Variants in GGH observed in about 807,000 individuals in gnomAD.
The protein encoded by GGH is gamma-glutamyl hydrolase, also known as gamma-Glu-X carboxypeptidase.
GGH carries 18 observed loss-of-function variants against 39.2 expected under a neutral mutation model. The ratio of observed to expected loss-of-function variants is 0.46; its 90% CI spans 0.32 to 0.68. The LOEUF (loss-of-function observed/expected upper bound fraction) is 0.68. GGH is among the 30% of genes least tolerant of loss of function. The pLI is 0.04. For synonymous variants in GGH, 147 were observed against 138.8 expected (o/e 1.06, Z -0.42); for missense variants, 367 against 384.1 (o/e 0.96, Z 0.37).
Position 63,026,209 on chromosome 8 carries a change from A to G in GGH, c.448T>C (p.Leu150=), listed in dbSNP as rs1189128229. Reference sequence around the variant, plus strand: ...ACGTCAACAGTATCTGTGGCAGTTAATAAGCACTCTCCACTAATCAGCAGT... The same window carrying G: ...ACGTCAACAGTATCTGTGGCAGTTAGTAAGCACTCTCCACTAATCAGCAGT... ...LSLLISGECL[L]TATDTVDVAM... The change falls in exon 5 of 9, where the codon TTA becomes CTA. Residue 150 remains leucine (L), a synonymous_variant. Coordinates refer to ENST00000260118, the MANE Select transcript of GGH (RefSeq NM_003878.3). 2 of 1,611,236 alleles carry G rather than the reference A, an allele frequency of 1.2e-6. No individual in the cohort carries two copies. Among genetic ancestry groups the G allele is most frequent in the East Asian group, 2.2e-5 (1 of 44,748 alleles).
intron 1 of GGH, 95 bp downstream of exon 1, chr8:63,038,565 G>A (rs1804954934): frequency 3.3e-6 from 2 of 609,638 alleles, no homozygotes; most frequent in East Asian, 3.3e-5. Flanking sequence ...GGTTTTTCCC[G>A]GCGGGACGCG....
At chr8:63,027,764 T>C (rs1426400788) in intron 3 of GGH, among the ~76,000 whole-genome samples, 1 of 152,152 alleles carries the variant, frequency 6.6e-6, no homozygotes, top group African/African-American at 2.4e-5. Context: ...TTAATTCTTA[T>C]CACCCCGAGT....
At chr8:63,023,807 C>T (rs1804636977) in intron 7 of GGH, 100 bp downstream of exon 7, 1 of 912,022 alleles carries the variant, frequency 1.1e-6, no homozygotes, top group Non-Finnish European at 1.5e-6. Flanking sequence ...CACCCCTCTT[C>T]AAGCCCCAAA....
rs773828447 is a variant in GGH at position 63,024,090 on chromosome 8, A to T, written c.596T>A (p.Leu199His). 1.3e-6 allele frequency: 2 copies of T among 1,595,616 alleles called. No homozygotes were observed. Among genetic ancestry groups the T allele is most frequent in the Non-Finnish European group, 1.7e-6 (2 of 1,163,606 alleles). ...PLTANFHKWS[L>H]SVKNFTMNEK... The stretch of plus-strand genomic sequence containing the variant: ...TAATTAGTGTGATACCTTCACGGAG[A>T]GGCTCCACTTATGGAAATTGGCAGT... Residue 199 changes from leucine to histidine, a missense_variant, in exon 6 of 9, where the codon CTC becomes CAC. By Grantham distance (99) the Leu-to-His change is moderately conservative (BLOSUM62 -3). Coordinates refer to ENST00000260118, the MANE Select transcript of GGH (RefSeq NM_003878.3).
At chr8:63,017,366 T>C in intron 8 of GGH, 127 bp downstream of exon 8, 1 of 604,400 alleles carries the variant, frequency 1.7e-6, no homozygotes, top group Non-Finnish European at 2.9e-6. Flanking sequence ...ATTTGTATTA[T>C]TCTTTAAAGT....
At chr8:63,035,594 C>T (rs547018788) in intron 2 of GGH, 62 bp downstream of exon 2, 10 of 1,551,032 alleles carry the variant, frequency 6.4e-6, no homozygotes, top group South Asian at 2.5e-5. Context: ...CATGAGGCAC[C>T]GCACCCGTAC....
At chr8:63,035,844 A>G (rs1804898662) in intron 1 of GGH, 74 bp from the exon 2 acceptor site, 1 of 1,239,922 alleles carries the variant, frequency 8.1e-7, no homozygotes, top group African/African-American at 1.5e-5. Flanking sequence ...ATATCACAGC[A>G]AAAATATCAT....
chr8:63,038,646 C>T lies in GGH; in HGVS notation c.109+14G>A. 1 of 1,428,378 alleles carries T rather than the reference C, an allele frequency of 7.0e-7. No homozygotes were observed. 88.5% of individuals were successfully genotyped at this position (1,428,378 alleles called of 1,614,324 possible). A position where few individuals can be genotyped will look rare whatever the true frequency, so the allele number is the denominator to read the frequency against. On this transcript the variant is annotated intron_variant, in intron 1 of 8. Transcript: ENST00000260118. ...CTCCTCCCCGTCTGCTGCGGCCCCG[C>T]ACAGCCTCCTTACCGATGATGGGCT...
chr8:63,017,387 G>A (rs1804504061), intron 8 of GGH, 106 bp downstream of exon 8: 7 of 685,540 alleles, frequency 1.0e-5, no homozygotes, highest in Non-Finnish European at 1.7e-5. Context: ...TAAACCTATA[G>A]AACTTACAAA....
At chr8:63,030,754 T>C (rs1804788120) in intron 2 of GGH, among the ~76,000 whole-genome samples, 1 of 152,100 alleles carries the variant, frequency 6.6e-6, no homozygotes, top group African/African-American at 2.4e-5. Context: ...TAGTCTGAAC[T>C]GAGGACCACA....
At position 63,024,140 on chromosome 8, in the gene GGH, C is replaced by T. The variant is rs753850058; in HGVS notation, c.546G>A (p.Leu182=). Reference sequence around the variant, plus strand: ...TCAGAGGTTCTACTGCTAATGACAGCAACAACTCAGTAGGAAAATTCTGGA... The same window carrying T: ...TCAGAGGTTCTACTGCTAATGACAGTAACAACTCAGTAGGAAAATTCTGGA... ...RMFQNFPTEL[L]LSLAVEPLTA... The change falls in exon 6 of 9, where the codon TTG becomes TTA. Residue 182 remains leucine, a synonymous_variant. Coordinates refer to ENST00000260118, the MANE Select transcript of GGH (RefSeq NM_003878.3). The T allele has an allele frequency of 1.2e-6, 2 of 1,611,606 alleles. No homozygotes were observed. Among genetic ancestry groups the T allele is most frequent in the Non-Finnish European group, 1.7e-6 (2 of 1,177,936 alleles).
intron 7 of GGH, among the ~76,000 whole-genome samples, chr8:63,020,785 C>T (rs1197110214): frequency 6.6e-6 from 1 of 152,122 alleles, no homozygotes; most frequent in Non-Finnish European, 1.5e-5. Flanking sequence ...GAAATAAGCT[C>T]ATAAATCTAG....
At position 63,027,376 on chromosome 8, in the gene GGH, A is replaced by C. The variant is rs1302421217; in HGVS notation, c.276-111T>G. 3 of 593,568 alleles carry C rather than the reference A, an allele frequency of 5.1e-6. No homozygotes were observed. The African/African-American group carries it at 5.8e-5, about 12-fold the overall frequency. 36.8% of individuals were successfully genotyped at this position (593,568 alleles called of 1,614,324 possible). A position where few individuals can be genotyped will look rare whatever the true frequency, so the allele number is the denominator to read the frequency against. The stretch of plus-strand genomic sequence containing the variant: ...AACAATTTTTCTTATTACATATGCA[A>C]TAAGATCCTTGAAGAAAATTAGAAA... On this transcript the variant is annotated intron_variant, in intron 3 of 8. Transcript: ENST00000260118.
chr8:63,026,268 A>G lies in GGH; in HGVS notation c.389T>C (p.Val130Ala). 1 of 1,608,510 alleles carries G rather than the reference A, an allele frequency of 6.2e-7. No homozygotes were observed. Among genetic ancestry groups the G allele is most frequent in the African/African-American group, 1.3e-5 (1 of 74,758 alleles). ...QSFDDGDYFP[V>A]WGTCLGFEEL... ...TTCAAATCCAAGGCATGTGCCCCAC[A>G]CAGGAAAATAGTCTCCATCATCAAA... The change falls in exon 5 of 9, where the codon GTG becomes GCG. Residue 130 changes from valine (V) to alanine (A), a missense_variant. By Grantham distance (64) the Val-to-Ala change is moderately conservative. Coordinates refer to ENST00000260118, the MANE Select transcript of GGH (RefSeq NM_003878.3).
rs1237800469 is a variant in GGH, at chr8:63,023,930, A to T, written c.674T>A (p.Ile225Asn). ...NVLTTNTDGK[I>N]EFISTMEGYK... Reference sequence around the variant, plus strand: ...ACCTTCCATTGTTGAAATAAACTCAATCTTGCCATCTGTATTTGTAGTTAA... The same window carrying T: ...ACCTTCCATTGTTGAAATAAACTCATTCTTGCCATCTGTATTTGTAGTTAA... The change falls in exon 7 of 9, where the codon ATT becomes AAT. Residue 225 changes from isoleucine (I) to asparagine (N), a missense_variant. Transcript: ENST00000260118. The T allele has an allele frequency of 3.8e-6, 6 of 1,583,848 alleles. No homozygotes were observed. In the South Asian group the frequency reaches 5.7e-5, roughly 15 times the overall value.
chr8:63,023,058 T>C (rs7839267), intron 7 of GGH, among the ~76,000 whole-genome samples: 5,730 of 152,278 alleles, frequency 0.038, 339 homozygotes, highest in African/African-American at 0.13. Flanking sequence ...CTCATTTTCC[T>C]TCAAACTTCA....
intron 3 of GGH, 140 bp downstream of exon 3, chr8:63,030,027 A>G: frequency 2.1e-6 from 1 of 473,908 alleles, no homozygotes; most frequent in Non-Finnish European, 3.9e-6. Flanking sequence ...TAAATCCTAT[A>G]AAAGAACTCA....
intron 2 of GGH, among the ~76,000 whole-genome samples, chr8:63,033,854 T>C (rs1019987577): frequency 6.6e-6 from 1 of 151,844 alleles, no homozygotes; most frequent in Non-Finnish European, 1.5e-5. Context: ...CTCCCACTTA[T>C]AAGTGAGAAT....
intron 2 of GGH, among the ~76,000 whole-genome samples, chr8:63,032,630 C>A (rs576652058): frequency 3.3e-5 from 5 of 152,300 alleles, no homozygotes; most frequent in African/African-American, 7.2e-5. Context: ...ATCCAAAATT[C>A]AGAAATGAAC....
Sources: gnomAD v4.1 joint callset for allele counts (sites outside exome capture counted in the v4.1 genomes callset) on GRCh38, gnomAD v4.1.1 for gene constraint, MANE v1.5 for transcripts, NCBI Gene and HGNC (gene_info 2026-07-23, HGNC 2026-07-21) for gene names.